The following GPRC5A variants were observed in gnomAD, a reference collection of about 807,000 sequenced individuals.
GPRC5A encodes the protein G protein-coupled receptor class C group 5 member A.
Under a neutral mutation model 22.5 loss-of-function variants are expected in GPRC5A, and 19 were observed. The observed-to-expected ratio is 0.85, with a 90% CI of 0.59 to 1.24. GPRC5A has a LOEUF of 1.24. Ranked by LOEUF, GPRC5A falls within the 50% of genes most tolerant of loss-of-function variation. The probability of loss-of-function intolerance (pLI) is 0.00; values close to 1 mark genes in which losing one functional copy is unlikely to be tolerated. For missense variants in GPRC5A, 471 were observed against 451.1 expected (o/e 1.04, Z -0.40); for synonymous variants, 192 against 184.5 (o/e 1.04, Z -0.33).
In GPRC5A at chr12:12,912,811, T is replaced by C. The variant is rs535337418; in HGVS notation, c.*272T>C. The C allele has an allele frequency of 6.7e-4, 286 of 429,770 alleles. No homozygotes were observed. The highest frequency in any genetic ancestry group is 5.4e-3 in the African/African-American group (269 of 49,476). 26.6% of individuals were successfully genotyped at this position (429,770 alleles called of 1,614,324 possible). A position where few individuals can be genotyped will look rare whatever the true frequency, so the allele number is the denominator to read the frequency against. On this transcript the variant is annotated 3_prime_UTR_variant, in exon 4 of 4. Coordinates refer to ENST00000014914, the MANE Select transcript of GPRC5A (RefSeq NM_003979.4). ...GTGGGAGTCTCAGGCAACTCAAGTT[T>C]AGACCCTTACTCTTTTTGTTTGTTT...
intron 1 of GPRC5A, among the ~76,000 whole-genome samples, chr12:12,905,665 C>T (rs558259381): frequency 1.3e-4 from 20 of 152,292 alleles, no homozygotes; most frequent in African/African-American, 4.8e-4. Context: ...GGGGACACTC[C>T]TTTCTCTTTT....
intron 1 of GPRC5A, among the ~76,000 whole-genome samples, chr12:12,896,757 C>A (rs1267140863): frequency 2.0e-5 from 3 of 152,142 alleles, no homozygotes; most frequent in Non-Finnish European, 4.4e-5. Flanking sequence ...AGGCACGGTG[C>A]CTCACGCCAC....
At chr12:12,909,761 T>A (rs1299086572) in intron 2 of GPRC5A, 1 of 152,536 alleles carries the variant, frequency 6.6e-6, no homozygotes, top group Admixed American at 6.5e-5. Flanking sequence ...TGTGTATGTT[T>A]CTGGGCCCAT....
In GPRC5A at chr12:12,908,880, G is replaced by T. The variant is rs776685698; in HGVS notation, c.631G>T (p.Ala211Ser). ...CTTCACGGGCTGGAAGAGACATGGG[G>T]CCCACATCTACCTCACGATGCTCCT... ...GSFTGWKRHG[A>S]HIYLTMLLSI... is the part of the protein sequence containing the mutation. The change falls in exon 2 of 4, where the codon GCC becomes TCC. Residue 211 changes from alanine to serine, a missense_variant. By Grantham distance (99) the Ala-to-Ser change is moderately conservative. Transcript: ENST00000014914. 7 of 1,614,058 alleles carry T rather than the reference G, an allele frequency of 4.3e-6. No individual in the cohort carries two copies. In the South Asian group the frequency reaches 7.7e-5, roughly 18 times the overall value.
Position 12,915,879 on chromosome 12 carries a change from A to C in GPRC5A, c.*3340A>C, listed in dbSNP as rs369540014. On this transcript the variant is annotated 3_prime_UTR_variant, in exon 4 of 4. Transcript: ENST00000014914. ...GCCTGCAGGGGCAGGCCAGCCCTGC[A>C]CTGAACGCCTGTTCTTGCCAGGTGG... is the stretch of plus-strand genomic sequence containing the variant. 26 of 528,322 alleles carry C rather than the reference A, an allele frequency of 4.9e-5. No homozygotes were observed. The highest frequency in any genetic ancestry group is 7.8e-5 in the Non-Finnish European group (20 of 256,696). The allele number at this position is 528,322 out of a possible 1,614,324, so 32.7% of individuals were successfully genotyped here. A position where few individuals can be genotyped will look rare whatever the true frequency, so the allele number is the denominator to read the frequency against.
chr12:12,912,648 C>T lies in GPRC5A; in HGVS notation c.*109C>T, dbSNP rs565881714. ...TCTGAGAAAACTGTACAAGACACTACGGGAACAGTTTGCCTCCCTCCCAGC... is the reference window on the plus strand; with the variant it reads ...TCTGAGAAAACTGTACAAGACACTATGGGAACAGTTTGCCTCCCTCCCAGC... On this transcript the variant is annotated 3_prime_UTR_variant, in exon 4 of 4. Transcript: ENST00000014914. The T allele has an allele frequency of 3.3e-4, 232 of 706,776 alleles. No homozygotes were observed. The highest frequency in any genetic ancestry group is 7.4e-4 in the Admixed American group (35 of 47,124). The allele number at this position is 706,776 out of a possible 1,614,324, so 43.8% of individuals were successfully genotyped here. A position where few individuals can be genotyped will look rare whatever the true frequency, so the allele number is the denominator to read the frequency against.
chr12:12,912,043 G>C, intron 2 of GPRC5A, 41 bp from the exon 3 acceptor site: 1 of 1,436,118 alleles, frequency 7.0e-7, no homozygotes, highest in Non-Finnish European at 9.8e-7. Flanking sequence ...AACATAGGTG[G>C]GGGCCCCAGT....
At position 12,917,243 on chromosome 12, in the gene GPRC5A, T is replaced by TGTGTGTGTGTGTGTGTGCGTGCGTGC. The variant is rs1864073643; in HGVS notation, c.*4713_*4714insTGTGTGTGCGTGCGTGCGTGTGTGTG. 1 of 126,056 alleles carries TGTGTGTGTGTGTGTGTGCGTGCGTGC rather than the reference T, an allele frequency of 7.9e-6. No individual in the cohort carries two copies. Among genetic ancestry groups the TGTGTGTGTGTGTGTGTGCGTGCGTGC allele is most frequent in the Non-Finnish European group, 1.6e-5 (1 of 61,764 alleles). The allele number at this position is 126,056 out of a possible 1,614,324, so 7.8% of individuals were successfully genotyped here. On this transcript the variant is annotated 3_prime_UTR_variant, in exon 4 of 4. Coordinates refer to ENST00000014914, the MANE Select transcript of GPRC5A (RefSeq NM_003979.4). ...GTGTGTGTGTGTGTGTGTGTGTGTG[T>TGTGTGTGTGTGTGTGTGCGTGCGTGC]GTGTGTGTGCGTGCGTGCGTGTATG...
intron 1 of GPRC5A, among the ~76,000 whole-genome samples, chr12:12,897,387 C>T (rs1371108841): frequency 1.3e-5 from 2 of 151,406 alleles, no homozygotes; most frequent in Non-Finnish European, 2.9e-5. Flanking sequence ...GAGAATAATT[C>T]ATGTGTTGAG....
At position 12,900,999 on chromosome 12, in the gene GPRC5A, A is replaced by G. The variant is rs1334390067; in HGVS notation, c.-7-7244A>G. Among the ~76,000 whole-genome samples, 6 of 152,058 alleles carry G rather than the reference A, an allele frequency of 3.9e-5. No homozygotes were observed. The East Asian group carries it at 1.2e-3, about 29-fold the overall frequency. ...TTTCTTTCATGCCTAGATTCATTCC[A>G]AAAAGGTTTAAGACAGCAACAAGTG... On this transcript the variant is annotated intron_variant, in intron 1 of 3. Transcript: ENST00000014914.
chr12:12,899,229 G>A (rs550464712), intron 1 of GPRC5A, among the ~76,000 whole-genome samples: 7 of 152,158 alleles, frequency 4.6e-5, no homozygotes, highest in Middle Eastern at 3.4e-3. Flanking sequence ...TACAGCGGGG[G>A]TCTCACTATG....
intron 1 of GPRC5A, among the ~76,000 whole-genome samples, chr12:12,902,343 A>G (rs1443044953): frequency 1.4e-5 from 2 of 146,810 alleles, no homozygotes; most frequent in African/African-American, 2.6e-5. Context: ...ATAGACTAAG[A>G]TGGTTTTTTT....
intron 1 of GPRC5A, among the ~76,000 whole-genome samples, chr12:12,907,195 A>G (rs1159944002): frequency 6.6e-6 from 1 of 151,968 alleles, no homozygotes; most frequent in African/African-American, 2.4e-5. Context: ...TGCTATTCAG[A>G]GACCATCATG....
intron 1 of GPRC5A, among the ~76,000 whole-genome samples, chr12:12,898,635 G>A (rs1039105802): frequency 3.9e-5 from 6 of 152,140 alleles, no homozygotes; most frequent in Admixed American, 3.3e-4. Context: ...ATAGCTCCAC[G>A]TGCAGGTCGC....
intron 1 of GPRC5A, 127 bp downstream of exon 1, chr12:12,891,791 T>A (rs1023857638): frequency 6.6e-6 from 1 of 150,592 alleles, no homozygotes; most frequent in Non-Finnish European, 1.5e-5. Context: ...CAGTTGGCTA[T>A]GAGAAAAAAA....
At chr12:12,903,583 G>GTA (rs769471141) in intron 1 of GPRC5A, among the ~76,000 whole-genome samples, 1 of 152,196 alleles carries the variant, frequency 6.6e-6, no homozygotes, top group Non-Finnish European at 1.5e-5. Context: ...CACTGCGGCT[G>GTA]GCCTAAATAA....
intron 1 of GPRC5A, among the ~76,000 whole-genome samples, chr12:12,894,405 T>G (rs1039379847): frequency 2.0e-5 from 3 of 152,180 alleles, no homozygotes; most frequent in Admixed American, 6.5e-5. Flanking sequence ...CCTTGTATTT[T>G]CAGCAGTTAT....
intron 1 of GPRC5A, among the ~76,000 whole-genome samples, chr12:12,900,906 A>AC (rs1394933164): frequency 3.2e-5 from 4 of 123,410 alleles, no homozygotes; most frequent in African/African-American, 1.6e-4. Flanking sequence ...AAAAAAAAAA[A>AC]AAAAAAACAA....
rs138373064 is a variant in GPRC5A at position 12,911,739 on chromosome 12, C to T, written c.923-345C>T. On this transcript the variant is annotated intron_variant, in intron 2 of 3. Coordinates refer to ENST00000014914, the MANE Select transcript of GPRC5A (RefSeq NM_003979.4). ...TCCTGACCTTGTGATCTGCCCACCT[C>T]GGCCGCCCAAAGTTCTGGGATTACA... Among the ~76,000 whole-genome samples, 600 of 152,136 alleles carry T rather than the reference C, an allele frequency of 3.9e-3. 3 individuals are homozygous for T. The highest frequency in any genetic ancestry group is 0.013 in the African/African-American group (559 of 41,498).
Sources: gnomAD v4.1 joint callset for allele counts (sites outside exome capture counted in the v4.1 genomes callset) on GRCh38, gnomAD v4.1.1 for gene constraint, MANE v1.5 for transcripts, NCBI Gene and HGNC (gene_info 2026-07-23, HGNC 2026-07-21) for gene names.